CTNNA3: variants seen among roughly 807,000 people sequenced by gnomAD.
The protein encoded by CTNNA3 is catenin alpha-3.
Under a neutral mutation model 95.7 loss-of-function variants are expected in CTNNA3, and 76 were observed. The ratio of observed to expected loss-of-function variants is 0.79; its 90% confidence interval spans 0.66 to 0.96. The LOEUF (loss-of-function observed/expected upper bound fraction) is 0.96, where lower values mean the gene tolerates loss of function less well. Ranked by LOEUF, CTNNA3 falls within the 40% of genes least tolerant of loss-of-function variation. The pLI is 0.00. For missense variants in CTNNA3, 1,191 were observed against 1,089.8 expected (o/e 1.09, Z -1.31); for synonymous variants, 431 against 374.4 (o/e 1.15, Z -1.74).
At chr10:67,180,147 G>T (rs1157538840) in intron 7 of CTNNA3, among the ~76,000 whole-genome samples, 170 bp downstream of exon 7, 1 of 152,040 alleles carries the variant, frequency 6.6e-6, no homozygotes, top group Non-Finnish European at 1.5e-5. Context: ...AATTCCCAGG[G>T]TTGTTGTTCC....
intron 5 of CTNNA3, among the ~76,000 whole-genome samples, chr10:67,259,869 G>A (rs1866524993): frequency 6.6e-6 from 1 of 152,106 alleles, no homozygotes; most frequent in Admixed American, 6.5e-5. Context: ...TTGGGATAGT[G>A]TTGGAAGGGC....
intron 6 of CTNNA3, among the ~76,000 whole-genome samples, chr10:67,217,821 C>A (rs553743836): frequency 3.5e-5 from 5 of 144,660 alleles, no homozygotes; most frequent in Admixed American, 3.4e-4. Flanking sequence ...ACAGGTTGAG[C>A]GTTGCTAATC....
chr10:67,246,000 A>T (rs1223062852), intron 5 of CTNNA3, among the ~76,000 whole-genome samples: 1 of 152,150 alleles, frequency 6.6e-6, no homozygotes, highest in East Asian at 1.9e-4. Flanking sequence ...ATATCTTAGG[A>T]TTTGGTTTTG....
At chr10:66,808,062 TA>T (rs1168150960) in intron 7 of CTNNA3, among the ~76,000 whole-genome samples, 1 of 152,082 alleles carries the variant, frequency 6.6e-6, no homozygotes, top group Non-Finnish European at 1.5e-5. Context: ...TTAAATATAA[TA>T]TGTTTATGAA....
chr10:67,382,016 A>C (rs1353589246), intron 5 of CTNNA3, among the ~76,000 whole-genome samples: 1 of 152,240 alleles, frequency 6.6e-6, no homozygotes, highest in Non-Finnish European at 1.5e-5. Context: ...TGTTCAATGA[A>C]AAATAGATAA....
intron 13 of CTNNA3, chr10:66,118,140 A>G (rs1212632381): frequency 6.6e-6 from 1 of 152,252 alleles, no homozygotes; most frequent in Middle Eastern, 3.2e-3. Flanking sequence ...AAAATATACC[A>G]GAGTTAAGTA....
chr10:66,096,390 C>T (rs189962648), intron 14 of CTNNA3, among the ~76,000 whole-genome samples: 9 of 152,276 alleles, frequency 5.9e-5, no homozygotes, highest in African/African-American at 1.9e-4. Flanking sequence ...TAAATGACTA[C>T]TTGCAGAACT....
chr10:66,659,930 T>C (rs189838762), intron 9 of CTNNA3, among the ~76,000 whole-genome samples: 6 of 152,212 alleles, frequency 3.9e-5, no homozygotes, highest in African/African-American at 1.4e-4. Context: ...GAAAATAAAG[T>C]ACTTCTAGGA....
At chr10:66,075,945 A>G (rs761082427) in intron 14 of CTNNA3, among the ~76,000 whole-genome samples, 19 of 151,770 alleles carry the variant, frequency 1.3e-4, no homozygotes, top group Non-Finnish European at 1.9e-4. Flanking sequence ...TGGATGAAAC[A>G]TAGAAATATT....
intron 5 of CTNNA3, among the ~76,000 whole-genome samples, chr10:67,279,058 G>A (rs1839293317): frequency 6.6e-6 from 1 of 152,120 alleles, no homozygotes; most frequent in African/African-American, 2.4e-5. Context: ...CAAAGGTGGT[G>A]TTGAGTCCTG....
At chr10:66,540,242 T>C (rs1173922620) in intron 10 of CTNNA3, among the ~76,000 whole-genome samples, 1 of 152,150 alleles carries the variant, frequency 6.6e-6, no homozygotes, top group Non-Finnish European at 1.5e-5. Context: ...TCTCTGTCTA[T>C]GAAAAATAGC....
chr10:67,704,387 C>T (rs1026170303), intron 1 of CTNNA3, among the ~76,000 whole-genome samples: 1 of 152,164 alleles, frequency 6.6e-6, no homozygotes, highest in African/African-American at 2.4e-5. Flanking sequence ...TACTACAAGG[C>T]TACAGTAACC....
chr10:65,923,943 T>A (rs1361009258), intron 17 of CTNNA3, among the ~76,000 whole-genome samples: 1 of 152,172 alleles, frequency 6.6e-6, no homozygotes, highest in Non-Finnish European at 1.5e-5. Context: ...GGAGATACTC[T>A]AGGCCAGAAA....
chr10:66,962,722 A>G (rs1309458580), intron 7 of CTNNA3, among the ~76,000 whole-genome samples: 1 of 151,994 alleles, frequency 6.6e-6, no homozygotes, highest in East Asian at 1.9e-4. Flanking sequence ...ACCTCCTCTA[A>G]GTCTTTATTC....
chr10:66,814,685 G>T (rs564031360), intron 7 of CTNNA3, among the ~76,000 whole-genome samples: 2 of 152,120 alleles, frequency 1.3e-5, no homozygotes, highest in African/African-American at 2.4e-5. Flanking sequence ...TATTGCTTGA[G>T]CCTGGGAGGC....
At chr10:66,682,210 G>T (rs1189097661) in intron 9 of CTNNA3, among the ~76,000 whole-genome samples, 1 of 152,112 alleles carries the variant, frequency 6.6e-6, no homozygotes, top group African/African-American at 2.4e-5. Context: ...ATCTAAGAGG[G>T]TCTGCCTCAT....
At chr10:66,271,231 A>T (rs1263323792) in intron 13 of CTNNA3, among the ~76,000 whole-genome samples, 1 of 152,154 alleles carries the variant, frequency 6.6e-6, no homozygotes, top group African/African-American at 2.4e-5. Context: ...GAGTTATAAA[A>T]TTCCCAGTCT....
chr10:66,793,692 C>A (rs1841072705), intron 7 of CTNNA3, among the ~76,000 whole-genome samples: 1 of 152,048 alleles, frequency 6.6e-6, no homozygotes, highest in African/African-American at 2.4e-5. Context: ...CTTTACTATA[C>A]ACTATGTATT....
chr10:66,109,804 G>T (rs776176497), intron 13 of CTNNA3, among the ~76,000 whole-genome samples: 5 of 151,086 alleles, frequency 3.3e-5, no homozygotes, highest in Admixed American at 6.6e-5. Context: ...CACCAACATG[G>T]CACATGTATA....
Sources: gnomAD v4.1 joint callset for allele counts (sites outside exome capture counted in the v4.1 genomes callset) on GRCh38, gnomAD v4.1.1 for gene constraint, MANE v1.5 for transcripts, NCBI Gene and HGNC (gene_info 2026-07-23, HGNC 2026-07-21) for gene names.